Variants in KIAA1958 observed in about 807,000 individuals in gnomAD.
KIAA1958 encodes KIAA1958, also known as uncharacterized protein KIAA1958.
KIAA1958 carries 14 observed loss-of-function variants against 47.2 expected under a neutral mutation model. The observed-to-expected ratio is 0.30, with a 90% CI of 0.20 to 0.46. The LOEUF is 0.46. Ranked by LOEUF, KIAA1958 falls within the 20% of genes least tolerant of loss-of-function variation. The probability of loss-of-function intolerance (pLI) is 1.00; values close to 1 mark genes in which losing one functional copy is unlikely to be tolerated. For synonymous variants in KIAA1958, 354 were observed against 353.3 expected (o/e 1.00, Z -0.02); for missense variants, 803 against 909.2 (o/e 0.88, Z 1.50).
chr9:112,554,896 G>A (rs1227475422), intron 1 of KIAA1958, among the ~76,000 whole-genome samples: 2 of 151,968 alleles, frequency 1.3e-5, no homozygotes, highest in African/African-American at 4.8e-5. Context: ...TGAGCCCAGG[G>A]GTCTTAAAAC....
At chr9:112,617,796 T>G (rs1319532214) in intron 2 of KIAA1958, 1 of 1,184,792 alleles carries the variant, frequency 8.4e-7, no homozygotes, top group East Asian at 2.6e-5. Context: ...AAAGGAAACT[T>G]TATTTCAGAG....
At chr9:112,592,727 GT>G (rs1198156119) in intron 2 of KIAA1958, among the ~76,000 whole-genome samples, 1 of 152,166 alleles carries the variant, frequency 6.6e-6, no homozygotes, top group Non-Finnish European at 1.5e-5. Flanking sequence ...TAGAAGAGAG[GT>G]AGCCTGGGTA....
rs1243730796 is a variant in KIAA1958, at chr9:112,659,383, C to T, written c.1465C>T (p.Leu489=). 1 of 1,614,162 alleles carries T rather than the reference C, an allele frequency of 6.2e-7. No homozygotes were observed. ...HAIRRGLDRI[L]KNAGVGFSIT... ...TATTCGCCGAGGCCTGGACCGCATC[C>T]TGAAGAATGCAGGTGTCGGCTTTTC... The change falls in exon 4 of 4, where the codon CTG becomes TTG. Residue 489 remains leucine, a synonymous_variant. Coordinates refer to ENST00000337530, the MANE Select transcript of KIAA1958 (RefSeq NM_133465.4).
chr9:112,574,029 GCTT>G, intron 1 of KIAA1958, 25 bp from the exon 2 acceptor site: 1 of 1,188,116 alleles, frequency 8.4e-7, no homozygotes, highest in South Asian at 1.5e-5. Context: ...GGTAATAATG[GCTT>G]CTTCTTTTGA....
intron 1 of KIAA1958, among the ~76,000 whole-genome samples, chr9:112,562,372 C>G (rs183543342): frequency 2.0e-5 from 3 of 152,106 alleles, no homozygotes; most frequent in African/African-American, 7.2e-5. Flanking sequence ...TAGCAAGTGG[C>G]CAGAACTAGG....
intron 2 of KIAA1958, among the ~76,000 whole-genome samples, chr9:112,605,086 TAG>T (rs1418398622): frequency 1.3e-5 from 2 of 149,072 alleles, no homozygotes; most frequent in East Asian, 1.9e-4. Context: ...TATATATATT[TAG>T]AGAGAGAGAG....
chr9:112,534,461 G>A (rs1834817546), intron 1 of KIAA1958, among the ~76,000 whole-genome samples: 1 of 151,982 alleles, frequency 6.6e-6, no homozygotes, highest in Non-Finnish European at 1.5e-5. Context: ...CATTTTGTGA[G>A]CATTCGTTGA....
chr9:112,572,790 G>T (rs760569326), intron 1 of KIAA1958, among the ~76,000 whole-genome samples: 2 of 152,204 alleles, frequency 1.3e-5, no homozygotes, highest in Non-Finnish European at 2.9e-5. Flanking sequence ...AGAGGTGGCC[G>T]TGGCCACATC....
chr9:112,596,385 G>T (rs1836033987), intron 2 of KIAA1958, among the ~76,000 whole-genome samples: 1 of 151,960 alleles, frequency 6.6e-6, no homozygotes, highest in Non-Finnish European at 1.5e-5. Flanking sequence ...TATGTTACAG[G>T]TTACTAGCTT....
intron 1 of KIAA1958, among the ~76,000 whole-genome samples, chr9:112,567,155 G>C (rs1468503494): frequency 6.6e-6 from 1 of 152,104 alleles, no homozygotes; most frequent in African/African-American, 2.4e-5. Flanking sequence ...GTATTATTTT[G>C]TGTGTATTAA....
At chr9:112,552,996 T>G (rs982094638) in intron 1 of KIAA1958, among the ~76,000 whole-genome samples, 1 of 152,086 alleles carries the variant, frequency 6.6e-6, no homozygotes, top group African/African-American at 2.4e-5. Flanking sequence ...GAGATGGCAT[T>G]GGTTAGTAGT....
intron 2 of KIAA1958, among the ~76,000 whole-genome samples, chr9:112,577,741 G>T: frequency 6.8e-6 from 1 of 147,152 alleles, no homozygotes; most frequent in Admixed American, 6.8e-5. Flanking sequence ...ATATATTACT[G>T]TCTCATTATT....
Position 112,659,601 on chromosome 9 carries a change from G to C in KIAA1958, c.1683G>C (p.Lys561Asn). 7 of 1,613,904 alleles carry C rather than the reference G, an allele frequency of 4.3e-6. No homozygotes were observed. Among genetic ancestry groups the C allele is most frequent in the Non-Finnish European group, 5.9e-6 (7 of 1,179,916 alleles). Reference sequence around the variant, plus strand: ...TCACTCTCCTGTCCACTGTGGTCAAGTACAACAGCCAGTACCTGAACATGC... The same window carrying C: ...TCACTCTCCTGTCCACTGTGGTCAACTACAACAGCCAGTACCTGAACATGC... The part of the protein sequence containing the change: ...SPITLLSTVV[K>N]YNSQYLNMRT... The change falls in exon 4 of 4, where the codon AAG becomes AAC. Residue 561 changes from lysine to asparagine, a missense_variant. Lys to Asn is a moderately conservative substitution (Grantham distance 94). Around this residue, in one of 2 missense-constraint regions of KIAA1958, gnomAD observed 761 missense variants for 829.3 expected, o/e 0.92. Coordinates refer to ENST00000337530, the MANE Select transcript of KIAA1958 (RefSeq NM_133465.4).
At chr9:112,499,665 A>T (rs1255995785) in intron 1 of KIAA1958, among the ~76,000 whole-genome samples, 6 of 148,756 alleles carry the variant, frequency 4.0e-5, no homozygotes, top group African/African-American at 1.2e-4. Context: ...AACACAAACT[A>T]TATTTCCTAT....
intron 1 of KIAA1958, among the ~76,000 whole-genome samples, chr9:112,565,776 T>C (rs535228260): frequency 6.6e-6 from 1 of 152,366 alleles, no homozygotes; most frequent in African/African-American, 2.4e-5. Flanking sequence ...GGTTGAAATA[T>C]ATTGATAGTA....
intron 1 of KIAA1958, among the ~76,000 whole-genome samples, chr9:112,557,304 G>A (rs950503234): frequency 1.3e-5 from 2 of 152,092 alleles, no homozygotes; most frequent in African/African-American, 4.8e-5. Flanking sequence ...TTTGTTCAAG[G>A]TGCTAAAGAC....
At chr9:112,525,200 T>C (rs142021081) in intron 1 of KIAA1958, among the ~76,000 whole-genome samples, 1 of 152,216 alleles carries the variant, frequency 6.6e-6, no homozygotes, top group Non-Finnish European at 1.5e-5. Context: ...GTTGACTCTT[T>C]AATTGTTGTG....
intron 2 of KIAA1958, among the ~76,000 whole-genome samples, chr9:112,611,652 T>C (rs1401882971): frequency 6.6e-6 from 1 of 152,098 alleles, no homozygotes; most frequent in African/African-American, 2.4e-5. Flanking sequence ...ATCATAAGTA[T>C]GTCAGGTTTT....
At chr9:112,563,403 T>C (rs1835372374) in intron 1 of KIAA1958, among the ~76,000 whole-genome samples, 1 of 152,186 alleles carries the variant, frequency 6.6e-6, no homozygotes, top group South Asian at 2.1e-4. Flanking sequence ...TTAATTTCTG[T>C]TAGCATTGTT....
Sources: gnomAD v4.1 joint callset for allele counts (sites outside exome capture counted in the v4.1 genomes callset) on GRCh38, gnomAD v4.1.1 for gene constraint, gnomAD v4.1.1 regional missense constraint, MANE v1.5 for transcripts, NCBI Gene and HGNC (gene_info 2026-07-23, HGNC 2026-07-21) for gene names.